The following CEP192 variants were observed in gnomAD, a reference collection of about 807,000 sequenced individuals.
CEP192 encodes the protein centrosomal protein of 192 kDa.
In CEP192, 151 loss-of-function variants were observed where a neutral mutation model predicts 271.8. The observed-to-expected ratio is 0.56, with a 90% CI of 0.49 to 0.64. The LOEUF is 0.64. CEP192 is among the 30% of genes least tolerant of loss of function. The pLI is 0.00. For synonymous variants in CEP192, 995 were observed against 1,076.5 expected, an observed-to-expected ratio of 0.92 and a Z score of 1.48; for missense variants, 2,910 against 3,020.5, an observed-to-expected ratio of 0.96 and a Z score of 0.86.
intron 15 of CEP192, 52 bp downstream of exon 15, chr18:13,042,386 A>T (rs760767576): frequency 3.2e-6 from 5 of 1,586,318 alleles, no homozygotes; most frequent in Middle Eastern, 1.7e-4. Flanking sequence ...TGTAGTTCTT[A>T]TCTAGGATCA....
At chr18:13,081,688 G>A (rs923617356) in intron 30 of CEP192, among the ~76,000 whole-genome samples, 2 of 152,130 alleles carry the variant, frequency 1.3e-5, no homozygotes, top group African/African-American at 2.4e-5. Flanking sequence ...GCTTTTGAAT[G>A]TGTTTGCTCT....
intron 1 of CEP192, among the ~76,000 whole-genome samples, chr18:12,992,480 T>C (rs1477991007): frequency 6.6e-6 from 1 of 152,152 alleles, no homozygotes; most frequent in Admixed American, 6.5e-5. Context: ...GATGTGAAAT[T>C]TGAGGTCACT....
intron 44 of CEP192, among the ~76,000 whole-genome samples, chr18:13,120,920 G>T (rs944106891): frequency 6.6e-6 from 1 of 152,186 alleles, no homozygotes; most frequent in Admixed American, 6.5e-5. Context: ...TTTATTTTAC[G>T]CAAAGAAAGG....
chr18:13,019,479 C>T (rs1007204256), intron 9 of CEP192, among the ~76,000 whole-genome samples: 7 of 152,076 alleles, frequency 4.6e-5, no homozygotes, highest in East Asian at 1.9e-4. Flanking sequence ...AAAAAGCAAA[C>T]GGATCTTTTA....
intron 21 of CEP192, among the ~76,000 whole-genome samples, chr18:13,063,680 T>C (rs1013299216): frequency 1.3e-5 from 2 of 152,210 alleles, no homozygotes; most frequent in Admixed American, 1.3e-4. Flanking sequence ...CTTTTCACTT[T>C]GTTGATTGCA....
chr18:13,000,741 G>A (rs1321060144), intron 2 of CEP192, among the ~76,000 whole-genome samples: 1 of 152,246 alleles, frequency 6.6e-6, no homozygotes, highest in Non-Finnish European at 1.5e-5. Flanking sequence ...GATCACCTGA[G>A]TTCAGGAGTT....
chr18:13,069,885 G>A, intron 27 of CEP192, 29 bp downstream of exon 27: 1 of 1,321,044 alleles, frequency 7.6e-7, no homozygotes, highest in South Asian at 1.2e-5. Flanking sequence ...AATGGACCGG[G>A]CACAGTGGCT....
chr18:13,113,148 G>A (rs1226115668), intron 40 of CEP192, among the ~76,000 whole-genome samples: 7 of 152,082 alleles, frequency 4.6e-5, no homozygotes, highest in Admixed American at 3.9e-4. Flanking sequence ...TGTAGCCGCC[G>A]CCCCCCTCAC....
chr18:13,035,006 A>G (rs1389169708), intron 11 of CEP192, among the ~76,000 whole-genome samples: 3 of 151,946 alleles, frequency 2.0e-5, no homozygotes, highest in Non-Finnish European at 4.4e-5. Flanking sequence ...GTACAAGAGG[A>G]TTGTTGTTTT....
chr18:13,037,321 A>G lies in CEP192; in HGVS notation c.1599+20A>G, dbSNP rs1206928963. 2 of 1,139,574 alleles carry G rather than the reference A, an allele frequency of 1.8e-6. No individual in the cohort carries two copies. The allele number at this position is 1,139,574 out of a possible 1,614,324, so 70.6% of individuals were successfully genotyped here. ...ATACAGGTTTGTAATTATTTGTTTT[A>G]TCCAAAATTTAAAATTTTTCCTGTA... On this transcript the variant is annotated intron_variant, in intron 12 of 44. Transcript: ENST00000506447.
intron 3 of CEP192, among the ~76,000 whole-genome samples, chr18:13,007,466 T>A (rs1039940349): frequency 6.6e-6 from 1 of 152,182 alleles, no homozygotes; most frequent in Non-Finnish European, 1.5e-5. Context: ...CAGGGAGGGC[T>A]TTAAACATGG....
intron 40 of CEP192, among the ~76,000 whole-genome samples, chr18:13,111,992 G>A (rs981354477): frequency 6.6e-6 from 1 of 152,222 alleles, no homozygotes; most frequent in Non-Finnish European, 1.5e-5. Context: ...TGGTGAGGAT[G>A]TGGGGAAATT....
chr18:13,057,205 T>C (rs1280025974), intron 19 of CEP192, among the ~76,000 whole-genome samples: 1 of 152,036 alleles, frequency 6.6e-6, no homozygotes, highest in East Asian at 1.9e-4. Context: ...TATTAAAATC[T>C]GATACGTGTC....
intron 9 of CEP192, among the ~76,000 whole-genome samples, chr18:13,020,557 C>T (rs1177942656): frequency 1.3e-5 from 2 of 152,028 alleles, no homozygotes; most frequent in Admixed American, 6.6e-5. Flanking sequence ...AATACCTGTT[C>T]GAGTCCTAGC....
At chr18:13,015,197 GC>G (rs1230481228) in intron 5 of CEP192, 130 bp from the exon 6 acceptor site, 1 of 825,562 alleles carries the variant, frequency 1.2e-6, no homozygotes, top group Non-Finnish European at 1.8e-6. Flanking sequence ...GCCCTTTATT[GC>G]CTAAGCTGTG....
intron 44 of CEP192, among the ~76,000 whole-genome samples, chr18:13,124,332 T>G (rs2040808106): frequency 6.6e-6 from 1 of 152,204 alleles, no homozygotes; most frequent in South Asian, 2.1e-4. Context: ...TTGCAGGCAG[T>G]ATACAAAGCT....
chr18:13,037,324 C>A, intron 12 of CEP192, 23 bp downstream of exon 12: 1 of 1,114,966 alleles, frequency 9.0e-7, no homozygotes, highest in Non-Finnish European at 1.3e-6. Flanking sequence ...TTGTTTTATC[C>A]AAAATTTAAA....
intron 17 of CEP192, among the ~76,000 whole-genome samples, chr18:13,050,653 C>T (rs1366216765): frequency 6.6e-6 from 1 of 151,288 alleles, no homozygotes; most frequent in Non-Finnish European, 1.5e-5. Context: ...GATCTTGGCT[C>T]ACTACAACCT....
intron 8 of CEP192, among the ~76,000 whole-genome samples, chr18:13,018,874 A>G (rs1317778102): frequency 6.6e-6 from 1 of 152,178 alleles, no homozygotes; most frequent in East Asian, 1.9e-4. Flanking sequence ...ATAATTAAAT[A>G]TGAATTCTTT....
Sources: allele counts gnomAD v4.1 joint callset (sites outside exome capture counted in the v4.1 genomes callset), GRCh38; gene constraint gnomAD v4.1.1; transcripts MANE v1.5; gene names NCBI Gene and HGNC (gene_info 2026-07-23, HGNC 2026-07-21).